The following ST18 variants were observed in gnomAD, a reference collection of about 807,000 sequenced individuals.
The protein encoded by ST18 is suppression of tumorigenicity 18 protein.
Under a neutral mutation model 110.0 loss-of-function variants are expected in ST18, and 50 were observed. That is an observed-to-expected ratio of 0.45 (90% CI 0.36 to 0.58). ST18 has a LOEUF of 0.58. ST18 is among the 20% of genes least tolerant of loss of function. The pLI, the probability that ST18 is intolerant of heterozygous loss-of-function variation, is 0.00. For synonymous variants in ST18, 461 were observed against 452.4 expected (o/e 1.02, Z -0.24); for missense variants, 1,306 against 1,280.1 (o/e 1.02, Z -0.31).
At chr8:52,285,797 G>A (rs1227828833) in intron 2 of ST18, among the ~76,000 whole-genome samples, 4 of 152,202 alleles carry the variant, frequency 2.6e-5, no homozygotes, top group African/African-American at 9.7e-5. Context: ...TTTCCCAGGA[G>A]AAGCATGTCT....
chr8:52,239,609 C>CA (rs148315435), intron 2 of ST18, among the ~76,000 whole-genome samples: 4,488 of 151,566 alleles, frequency 0.03, 123 homozygotes, highest in East Asian at 0.079. Context: ...AGAAAAATAC[C>CA]AAAAAAACAA....
At chr8:52,210,953 T>G (rs1279361782) in intron 8 of ST18, among the ~76,000 whole-genome samples, 2 of 152,280 alleles carry the variant, frequency 1.3e-5, no homozygotes, top group African/African-American at 4.8e-5. Flanking sequence ...AAAGTTCAAG[T>G]GTATTAGACA....
At position 52,149,834 on chromosome 8, in the gene ST18, A is replaced by G. The variant is rs2058340268; in HGVS notation, c.1950T>C (p.Ile650=). The change falls in exon 16 of 26, where the codon ATT becomes ATC. Residue 650 remains isoleucine (I), a synonymous_variant. Transcript: ENST00000689386. ...CCTGATAGAATGCTGCATTGACCAGAATGCTGCTTGTTTTGAATGGGGAAG... is the reference window on the plus strand; with the variant it reads ...CCTGATAGAATGCTGCATTGACCAGGATGCTGCTTGTTTTGAATGGGGAAG... ...PSSSPFKTSS[I]LVNAAFYQAL... is the part of the protein sequence containing the mutation. 6.2e-7 allele frequency: 1 copy of G among 1,614,112 alleles called. No individual in the cohort carries two copies. Among genetic ancestry groups the G allele is most frequent in the East Asian group, 2.2e-5 (1 of 44,870 alleles).
intron 2 of ST18, among the ~76,000 whole-genome samples, chr8:52,253,237 C>G (rs1030593649): frequency 1.3e-5 from 2 of 151,786 alleles, no homozygotes; most frequent in Non-Finnish European, 2.9e-5. Flanking sequence ...AAAGTAAGCA[C>G]CTATAATAAA....
chr8:52,297,701 G>A (rs1280331040), intron 2 of ST18, among the ~76,000 whole-genome samples: 2 of 152,172 alleles, frequency 1.3e-5, no homozygotes, highest in Non-Finnish European at 2.9e-5. Flanking sequence ...TAACAAACAT[G>A]TAATGTATAA....
chr8:52,165,296 T>A, intron 11 of ST18, 71 bp from the exon 12 acceptor site: 1 of 1,487,734 alleles, frequency 6.7e-7, no homozygotes, highest in Non-Finnish European at 9.3e-7. Flanking sequence ...CACGTGTATC[T>A]CTCAACTTTG....
intron 2 of ST18, among the ~76,000 whole-genome samples, chr8:52,320,599 A>G (rs1803458555): frequency 2.0e-5 from 3 of 152,332 alleles, no homozygotes; most frequent in Middle Eastern, 6.8e-3. Flanking sequence ...AATCCTGAAA[A>G]CAAAAATTCT....
chr8:52,328,776 T>TA (rs894790711), intron 2 of ST18, among the ~76,000 whole-genome samples: 24 of 152,014 alleles, frequency 1.6e-4, no homozygotes, highest in African/African-American at 3.4e-4. Flanking sequence ...ATTTTTCCAA[T>TA]AAAAAAAATA....
At chr8:52,384,209 C>T (rs769429393) in intron 2 of ST18, among the ~76,000 whole-genome samples, 6 of 152,052 alleles carry the variant, frequency 3.9e-5, no homozygotes, top group Non-Finnish European at 5.9e-5. Flanking sequence ...AATTACTGTC[C>T]CATCATGGTA....
At chr8:52,271,415 T>C (rs566457318) in intron 2 of ST18, among the ~76,000 whole-genome samples, 2 of 152,284 alleles carry the variant, frequency 1.3e-5, no homozygotes, top group East Asian at 3.9e-4. Context: ...GCATTATTCC[T>C]TGCCATGTTT....
intron 2 of ST18, chr8:52,405,992 A>G (rs1301277889): frequency 1.3e-5 from 2 of 152,244 alleles, no homozygotes; most frequent in Admixed American, 6.5e-5. Context: ...GTACTCAGAC[A>G]GCAATCTGCT....
At chr8:52,214,109 A>G (rs2136089135) in intron 7 of ST18, 94 bp downstream of exon 7, 1 of 1,351,674 alleles carries the variant, frequency 7.4e-7, no homozygotes. Context: ...GGAAGTTGTA[A>G]TCATTCTGAC....
intron 2 of ST18, among the ~76,000 whole-genome samples, chr8:52,237,057 T>A (rs1040283136): frequency 1.3e-5 from 2 of 152,180 alleles, no homozygotes; most frequent in Non-Finnish European, 2.9e-5. Flanking sequence ...TCCTCATCTG[T>A]TAAAAGGGAT....
At chr8:52,252,312 T>C (rs1256904134) in intron 2 of ST18, among the ~76,000 whole-genome samples, 2 of 152,064 alleles carry the variant, frequency 1.3e-5, no homozygotes, top group Non-Finnish European at 2.9e-5. Flanking sequence ...AGAATTTAAT[T>C]CTGACTTTTA....
At position 52,118,436 on chromosome 8, in the gene ST18, C is replaced by T. The variant is rs772037628; in HGVS notation, c.2761G>A (p.Glu921Lys). Residue 921 changes from glutamate to lysine, a missense_variant, in exon 24 of 26, where the codon GAG becomes AAG. Physicochemically the swap from Glu to Lys is moderately conservative, Grantham distance 56. Coordinates refer to ENST00000689386, the MANE Select transcript of ST18 (RefSeq NM_001352837.2). ...TIKLKATGGI[E>K]SDEEIRHLDE... ...AAATGCCTAATTTCTTCATCACTCTCTATTCCTGTAAAGAGTAAGACTACC... is the reference window on the plus strand; with the variant it reads ...AAATGCCTAATTTCTTCATCACTCTTTATTCCTGTAAAGAGTAAGACTACC... 2.5e-6 allele frequency: 4 copies of T among 1,590,506 alleles called. No individual in the cohort carries two copies. The highest frequency in any genetic ancestry group is 3.4e-6 in the Non-Finnish European group (4 of 1,161,298).
intron 8 of ST18, among the ~76,000 whole-genome samples, chr8:52,184,394 T>C (rs2071148886): frequency 6.6e-6 from 1 of 152,224 alleles, no homozygotes; most frequent in Non-Finnish European, 1.5e-5. Flanking sequence ...AAAATCTATT[T>C]AAAAGATCTG....
intron 2 of ST18, among the ~76,000 whole-genome samples, chr8:52,323,658 T>G (rs964399521): frequency 1.3e-5 from 2 of 152,102 alleles, no homozygotes; most frequent in African/African-American, 4.8e-5. Flanking sequence ...TTGTTTAAAT[T>G]TAAATCCAAA....
intron 9 of ST18, among the ~76,000 whole-genome samples, chr8:52,178,648 C>CAAAAAAAAAAAAAAAA (rs2068035729): frequency 1.1e-4 from 4 of 37,418 alleles, no homozygotes; most frequent in Non-Finnish European, 1.6e-4. Flanking sequence ...AAAAAACCAC[C>CAAAAAAAAAAAAAAAA]AAAAACCAAA....
Position 52,136,384 on chromosome 8 carries a change from C to T in ST18, c.2300+206G>A, listed in dbSNP as rs539715890. Among the ~76,000 whole-genome samples the T allele has an allele frequency of 2.6e-5, 4 of 152,210 alleles. 1 individual carries two copies. The highest frequency in any genetic ancestry group is 9.6e-5 in the African/African-American group (4 of 41,526). On this transcript the variant is annotated intron_variant, in intron 19 of 25. Transcript: ENST00000689386. ...TTAAAAATTATTATAAAATACAAAG[C>T]CCCGGAAGCAAGCAAATTAACTAAA...
Sources: gnomAD v4.1 joint callset for allele counts (sites outside exome capture counted in the v4.1 genomes callset) on GRCh38, gnomAD v4.1.1 for gene constraint, MANE v1.5 for transcripts, NCBI Gene and HGNC (gene_info 2026-07-23, HGNC 2026-07-21) for gene names.